The following RAG2 variants were observed in gnomAD, a reference collection of about 807,000 sequenced individuals.
RAG2 encodes recombination activating 2, also known as V(D)J recombination-activating protein 2.
In RAG2, 16 loss-of-function variants were observed where a neutral mutation model predicts 31.8. The observed-to-expected ratio is 0.50, with a 90% CI of 0.34 to 0.76. The LOEUF (loss-of-function observed/expected upper bound fraction) is 0.76. Among genes scored for constraint, RAG2 ranks in the 30% least tolerant of loss-of-function variants. RAG2 has a pLI of 0.01. For synonymous variants in RAG2, 199 were observed against 215.9 expected (o/e 0.92, Z 0.68); for missense variants, 622 against 628.5 (o/e 0.99, Z 0.11).
rs778497478 is a variant in RAG2, at chr11:36,593,583, T to A, written c.586A>T (p.Ile196Phe). 1 of 1,614,176 alleles carries A rather than the reference T, an allele frequency of 6.2e-7. No homozygotes were observed. Among genetic ancestry groups the A allele is most frequent in the South Asian group, 1.1e-5 (1 of 91,080 alleles). ...AGCCCATCCTGAAGTTCTGGAAGAA[T>A]GTATGATGTAGCACACCCAAATTCA... ...DFEFGCATSYILPELQDGLSF... is the reference protein window; with the variant it reads ...DFEFGCATSYFLPELQDGLSF... Residue 196 changes from isoleucine (I) to phenylalanine (F), a missense_variant, in exon 2 of 2, where the codon ATT (isoleucine) becomes TTT (phenylalanine). By Grantham distance (21) the Ile-to-Phe change is conservative. Coordinates refer to ENST00000311485, the MANE Select transcript of RAG2 (RefSeq NM_000536.4).
chr11:36,596,139 T>C (rs1283466184), intron 1 of RAG2, among the ~76,000 whole-genome samples: 1 of 152,108 alleles, frequency 6.6e-6, no homozygotes, highest in Non-Finnish European at 1.5e-5. Context: ...ATTTATCTAA[T>C]TTATCTTTAT....
rs1475574347 is a variant in RAG2, at chr11:36,593,706, G to A, written c.463C>T (p.Leu155Phe). ...GGCATGTATGAGCGTCCTCCAAAGAGAACACCCATACTTTTCCCTCGGCTG... is the reference window on the plus strand; with the variant it reads ...GGCATGTATGAGCGTCCTCCAAAGAAAACACCCATACTTTTCCCTCGGCTG... ...VYSRGKSMGV[L>F]FGGRSYMPST... The change falls in exon 2 of 2, where the codon CTC (leucine) becomes TTC (phenylalanine). Residue 155 changes from leucine (L) to phenylalanine (F), a missense_variant. By Grantham distance (22) the Leu-to-Phe change is conservative (BLOSUM62 0). Coordinates refer to ENST00000311485, the MANE Select transcript of RAG2 (RefSeq NM_000536.4). The A allele has an allele frequency of 6.2e-7, 1 of 1,614,140 alleles. No homozygotes were observed. Among genetic ancestry groups the A allele is most frequent in the Admixed American group, 1.7e-5 (1 of 60,018 alleles).
Position 36,598,202 on chromosome 11 carries a change from A to T in RAG2, c.-128T>A, listed in dbSNP as rs1281154427. The stretch of plus-strand genomic sequence containing the variant: ...GAAGATTCACTGACTGCCCACTATG[A>T]CTGTGGCAAGCAGAAGGCTGACTGT... On this transcript the variant is annotated 5_prime_UTR_variant, in exon 1 of 2. Transcript: ENST00000311485. 1 of 152,014 alleles carries T rather than the reference A, an allele frequency of 6.6e-6. No individual in the cohort carries two copies. Among genetic ancestry groups the T allele is most frequent in the Non-Finnish European group, 1.5e-5 (1 of 68,026 alleles). 9.4% of individuals were successfully genotyped at this position (152,014 alleles called of 1,614,324 possible).
chr11:36,592,555 T>C lies in RAG2; in HGVS notation c.*30A>G, dbSNP rs774545556. ...TTTAAAAATAGATTCAAAAATTCCA[T>C]ACACCTGAATCTGAAAGGCTTTTGC... On this transcript the variant is annotated 3_prime_UTR_variant, in exon 2 of 2. Coordinates refer to ENST00000311485, the MANE Select transcript of RAG2 (RefSeq NM_000536.4). The C allele has an allele frequency of 3.7e-6, 6 of 1,609,724 alleles. No homozygotes were observed. In the Admixed American group the frequency reaches 5.0e-5, roughly 13 times the overall value.
rs761045499 is a variant in RAG2, at chr11:36,592,709, G to C, written c.1460C>G (p.Ala487Gly). 1 of 1,578,948 alleles carries C rather than the reference G, an allele frequency of 6.3e-7. No homozygotes were observed. The highest frequency in any genetic ancestry group is 2.3e-5 in the East Asian group (1 of 43,104). ...TAGGACTCTTTGGGGAGTGTGTAGA[G>C]CTCTTGCTATCTCCACATGCTCATT... The part of the protein sequence containing the change: ...YCNEHVEIAR[A>G]LHTPQRVLPL... The change falls in exon 2 of 2, where the codon GCT becomes GGT. Residue 487 changes from alanine to glycine, a missense_variant. Physicochemically the swap from Ala to Gly is moderately conservative, Grantham distance 60. Transcript: ENST00000311485.
downstream of RAG2, among the ~76,000 whole-genome samples, chr11:36,591,350 G>A (rs965558248): frequency 6.6e-6 from 1 of 152,104 alleles, no homozygotes; most frequent in African/African-American, 2.4e-5. Flanking sequence ...TCAGTGAGGA[G>A]TAAGAGTCTT....
At chr11:36,596,635 A>T (rs1392612343) in intron 1 of RAG2, among the ~76,000 whole-genome samples, 1 of 152,178 alleles carries the variant, frequency 6.6e-6, no homozygotes, top group Non-Finnish European at 1.5e-5. Flanking sequence ...TTATGATCAG[A>T]GAGTTGTCCC....
intron 1 of RAG2, among the ~76,000 whole-genome samples, chr11:36,596,322 C>T (rs1190803339): frequency 2.0e-5 from 3 of 149,008 alleles, no homozygotes; most frequent in African/African-American, 5.0e-5. Flanking sequence ...TTGGGAGACT[C>T]GTAAGGGGGT....
In RAG2 at chr11:36,592,691, C is replaced by T. The variant is rs2037101; in HGVS notation, c.1478G>A (p.Arg493Lys). 6.2e-7 allele frequency: 1 copy of T among 1,614,022 alleles called. No individual in the cohort carries two copies. The highest frequency in any genetic ancestry group is 1.1e-5 in the South Asian group (1 of 91,066). Reference protein sequence around the residue: ...EIARALHTPQRVLPLKKPPMK... With the variant: ...EIARALHTPQKVLPLKKPPMK... ...TGGAGGCTTTTTTAAGGGTAGGACT[C>T]TTTGGGGAGTGTGTAGAGCTCTTGC... Residue 493 changes from arginine to lysine, a missense_variant, in exon 2 of 2, where the codon AGA (arginine) becomes AAA (lysine). Arg to Lys is a conservative substitution (Grantham distance 26, BLOSUM62 2). Transcript: ENST00000311485.
At position 36,596,213 on chromosome 11, in the gene RAG2, TTTTTTTTTG is replaced by T. The variant is rs1029199779; in HGVS notation, c.-28+1880_-28+1888del. 5.9e-4 allele frequency among the ~76,000 whole-genome samples: 81 copies of T among 136,586 alleles called. No homozygotes were observed. In the South Asian group the frequency reaches 0.017, roughly 28 times the overall value. 89.6% of individuals were successfully genotyped at this position (136,586 alleles called of 152,430 possible). A position where few individuals can be genotyped will look rare whatever the true frequency, so the allele number is the denominator to read the frequency against. On this transcript the variant is annotated intron_variant, in intron 1 of 1. Transcript: ENST00000311485. ...GGTCACTCTAATGAGATGGTAGTGT[TTTTTTTTTG>T]TTTTTTTTTTTTTTTGCTTTAAAGA...
rs140519815 is a variant in RAG2, at chr11:36,593,074, A to G, written c.1095T>C (p.Ser365=). The change falls in exon 2 of 2, where the codon AGT becomes AGC. Residue 365 remains serine (S), a synonymous_variant. Transcript: ENST00000311485. ...CCCCTGGATCTTCTGTTGATGTTTG[A>G]CTGTTTGTGAATGTTGTCTGCTCTT... ...TNEEQTTFTN[S]QTSTEDPGDS... 2,844 of 1,614,116 alleles carry G rather than the reference A, an allele frequency of 1.8e-3. 5 individuals are homozygous for G. The highest frequency in any genetic ancestry group is 2.0e-3 in the Non-Finnish European group (2,402 of 1,179,976).
chr11:36,597,557 G>T (rs1851321323), intron 1 of RAG2: 1 of 152,110 alleles, frequency 6.6e-6, no homozygotes, highest in Non-Finnish European at 1.5e-5. Flanking sequence ...TGATGCTAGG[G>T]CATAGTTGAG....
chr11:36,598,191 T>C lies in RAG2; in HGVS notation c.-117A>G, dbSNP rs1851357147. On this transcript the variant is annotated 5_prime_UTR_variant, in exon 1 of 2. Transcript: ENST00000311485. ...CAGCACTTGGGGAAGATTCACTGAC[T>C]GCCCACTATGACTGTGGCAAGCAGA... The C allele has an allele frequency of 6.6e-6, 1 of 152,076 alleles. No homozygotes were observed. Among genetic ancestry groups the C allele is most frequent in the Admixed American group, 6.6e-5 (1 of 15,252 alleles). The allele number at this position is 152,076 out of a possible 1,614,324, so 9.4% of individuals were successfully genotyped here.
Position 36,592,504 on chromosome 11 carries a change from T to C in RAG2, c.*81A>G. 2.6e-6 allele frequency: 4 copies of C among 1,512,194 alleles called. No individual in the cohort carries two copies. The highest frequency in any genetic ancestry group is 3.6e-6 in the Non-Finnish European group (4 of 1,117,934). The allele number at this position is 1,512,194 out of a possible 1,614,324, so 93.7% of individuals were successfully genotyped here. A position where few individuals can be genotyped will look rare whatever the true frequency, so the allele number is the denominator to read the frequency against. ...CATAGGCATTTTAAATAAACAAAAA[T>C]GTATTTTTAAAATCAATGTTATGAT... On this transcript the variant is annotated 3_prime_UTR_variant, in exon 2 of 2. Coordinates refer to ENST00000311485, the MANE Select transcript of RAG2 (RefSeq NM_000536.4).
At chr11:36,595,894 A>T (rs974885817) in intron 1 of RAG2, among the ~76,000 whole-genome samples, 6 of 152,268 alleles carry the variant, frequency 3.9e-5, no homozygotes, top group African/African-American at 1.4e-4. Context: ...ATAGACAGAT[A>T]AACATTTGAA....
At position 36,592,259 on chromosome 11, in the gene RAG2, T is replaced by C; in HGVS notation, c.*326A>G. 1 of 300,308 alleles carries C rather than the reference T, an allele frequency of 3.3e-6. No homozygotes were observed. Among genetic ancestry groups the C allele is most frequent in the Non-Finnish European group, 6.3e-6 (1 of 158,636 alleles). 18.6% of individuals were successfully genotyped at this position (300,308 alleles called of 1,614,324 possible). On this transcript the variant is annotated 3_prime_UTR_variant, in exon 2 of 2. Coordinates refer to ENST00000311485, the MANE Select transcript of RAG2 (RefSeq NM_000536.4). ...ATAGGTTATTTGTTACCAAGACTTA[T>C]ATAATAAATATAAACATACCTCGAT...
chr11:36,592,105 A>C lies in RAG2; in HGVS notation c.*480T>G. On this transcript the variant is annotated 3_prime_UTR_variant, in exon 2 of 2. Transcript: ENST00000311485. ...TGCTTGAAGGTATATAAAGAACACTAATGTGGGATGTAGTAGATCTTGCTT... is the reference window on the plus strand; with the variant it reads ...TGCTTGAAGGTATATAAAGAACACTCATGTGGGATGTAGTAGATCTTGCTT... The C allele has an allele frequency of 5.2e-6, 1 of 191,764 alleles. No homozygotes were observed. Among genetic ancestry groups the C allele is most frequent in the Non-Finnish European group, 1.1e-5 (1 of 93,124 alleles). The allele number at this position is 191,764 out of a possible 1,614,324, so 11.9% of individuals were successfully genotyped here.
At chr11:36,595,867 G>A (rs1272259963) in intron 1 of RAG2, among the ~76,000 whole-genome samples, 1 of 152,262 alleles carries the variant, frequency 6.6e-6, no homozygotes, top group Admixed American at 6.5e-5. Context: ...TAGGATATGG[G>A]AATCAGGTCA....
At chr11:36,595,001 C>T (rs1311718231) in intron 1 of RAG2, 2 of 152,104 alleles carry the variant, frequency 1.3e-5, no homozygotes, top group African/African-American at 2.4e-5. Flanking sequence ...TCTTTGAATC[C>T]CTAGAGTGCA....
Sources: allele counts gnomAD v4.1 joint callset (sites outside exome capture counted in the v4.1 genomes callset), GRCh38; gene constraint gnomAD v4.1.1; transcripts MANE v1.5; gene names NCBI Gene and HGNC (gene_info 2026-07-23, HGNC 2026-07-21).